The following UCK2 variants were observed in gnomAD, a reference collection of about 807,000 sequenced individuals.
UCK2 encodes uridine-cytidine kinase 2, also known as cytidine monophosphokinase 2.
A neutral mutation model predicts 30.8 loss-of-function variants in UCK2; 6 were observed. That is an observed-to-expected ratio of 0.19 (90% confidence interval 0.11 to 0.38). UCK2 has a LOEUF of 0.38. Ranked by LOEUF, UCK2 falls within the 10% of genes least tolerant of loss-of-function variation. UCK2 has a pLI of 1.00. For missense variants in UCK2, 210 were observed against 339.8 expected, an observed-to-expected ratio of 0.62 and a Z score of 3.00; for synonymous variants, 125 against 133.6, an observed-to-expected ratio of 0.94 and a Z score of 0.45.
chr1:165,854,968 T>C (rs1035694870), intron 1 of UCK2, among the ~76,000 whole-genome samples: 1 of 152,128 alleles, frequency 6.6e-6, no homozygotes, highest in Non-Finnish European at 1.5e-5. Context: ...GAAGGTATAA[T>C]AAATAATTTT....
chr1:165,893,878 A>G (rs933784422), intron 3 of UCK2, among the ~76,000 whole-genome samples: 2 of 152,246 alleles, frequency 1.3e-5, no homozygotes, highest in Non-Finnish European at 1.5e-5. Context: ...TTCCGAAGGA[A>G]AACCACTTTT....
At chr1:165,881,182 T>TAAAAAAAAAA (rs56886913) in intron 1 of UCK2, among the ~76,000 whole-genome samples, 4 of 92,852 alleles carry the variant, frequency 4.3e-5, no homozygotes, top group African/African-American at 4.2e-5. Context: ...CAATAAAACT[T>TAAAAAAAAAA]AAAAAAAAAA....
chr1:165,840,011 C>T (rs1033365840), intron 1 of UCK2, among the ~76,000 whole-genome samples: 5 of 152,192 alleles, frequency 3.3e-5, no homozygotes, highest in Non-Finnish European at 7.3e-5. Flanking sequence ...CAGCCTCTGC[C>T]GGGTTCAAGC....
intron 1 of UCK2, among the ~76,000 whole-genome samples, chr1:165,841,308 C>T (rs1034369065): frequency 5.3e-5 from 8 of 151,840 alleles, no homozygotes; most frequent in South Asian, 2.1e-4. Flanking sequence ...CTAAGCCTCC[C>T]GAGTAGCTGG....
intron 1 of UCK2, among the ~76,000 whole-genome samples, chr1:165,874,352 G>T (rs913520785): frequency 6.6e-6 from 1 of 152,152 alleles, no homozygotes; most frequent in African/African-American, 2.4e-5. Context: ...AGACCCGGAG[G>T]TATCAAATGA....
chr1:165,845,422 TA>T (rs1350060789), intron 1 of UCK2, among the ~76,000 whole-genome samples: 1 of 152,198 alleles, frequency 6.6e-6, no homozygotes, highest in Non-Finnish European at 1.5e-5. Flanking sequence ...TGCACAGATG[TA>T]GTACTTATAA....
intron 4 of UCK2, 139 bp from the exon 5 acceptor site, chr1:165,903,043 G>T: frequency 1.6e-6 from 1 of 641,028 alleles, no homozygotes. Flanking sequence ...TCTGCTCTTG[G>T]TCAAGCCTCT....
chr1:165,854,263 C>G lies in UCK2; in HGVS notation c.99+26331C>G, dbSNP rs560355220. On this transcript the variant is annotated intron_variant, in intron 1 of 6. Coordinates refer to ENST00000367879, the MANE Select transcript of UCK2 (RefSeq NM_012474.5). ...AAAAAGACTGTCTGGGAGTTGGAAA[C>G]CACTCCTGCCTGTGTGTTACTTCCT... 3.3e-5 allele frequency among the ~76,000 whole-genome samples: 5 copies of G among 152,284 alleles called. 1 individual carries two copies. Among genetic ancestry groups the G allele is most frequent in the African/African-American group, 9.6e-5 (4 of 41,534 alleles).
chr1:165,855,605 T>G (rs747267980), intron 1 of UCK2, among the ~76,000 whole-genome samples: 6 of 151,960 alleles, frequency 3.9e-5, no homozygotes, highest in Non-Finnish European at 5.9e-5. Flanking sequence ...TTCCCGGGTT[T>G]CTGTTGGTGT....
chr1:165,874,782 T>C (rs1368458839), intron 1 of UCK2, among the ~76,000 whole-genome samples: 5 of 152,232 alleles, frequency 3.3e-5, no homozygotes, highest in African/African-American at 1.2e-4. Context: ...ATGAAAGGCA[T>C]TGCAGTTGCT....
At chr1:165,857,946 G>A (rs1654793061) in intron 1 of UCK2, among the ~76,000 whole-genome samples, 3 of 152,234 alleles carry the variant, frequency 2.0e-5, no homozygotes, top group African/African-American at 7.2e-5. Context: ...GTATCTGCTG[G>A]AGGGATTGAG....
At chr1:165,845,963 A>G (rs1037505664) in intron 1 of UCK2, among the ~76,000 whole-genome samples, 2 of 152,162 alleles carry the variant, frequency 1.3e-5, no homozygotes, top group East Asian at 3.9e-4. Flanking sequence ...CACTGTGCCC[A>G]GCATTCTGTG....
Position 165,827,826 on chromosome 1 carries a change from C to T in UCK2, c.-8C>T. On this transcript the variant is annotated 5_prime_UTR_variant, in exon 1 of 7. Coordinates refer to ENST00000367879, the MANE Select transcript of UCK2 (RefSeq NM_012474.5). Reference sequence around the variant, plus strand: ...GCACAGGCAGCGGGAGGAGGGGCGGCGCGAACCATGGCCGGGGACAGCGAG... The same window carrying T: ...GCACAGGCAGCGGGAGGAGGGGCGGTGCGAACCATGGCCGGGGACAGCGAG... The T allele has an allele frequency of 1.4e-6, 2 of 1,425,352 alleles. No individual in the cohort carries two copies. Among genetic ancestry groups the T allele is most frequent in the South Asian group, 1.6e-5 (1 of 64,040 alleles). 88.3% of individuals were successfully genotyped at this position (1,425,352 alleles called of 1,614,324 possible).
chr1:165,844,519 T>G (rs755419642), intron 1 of UCK2, among the ~76,000 whole-genome samples: 10 of 152,150 alleles, frequency 6.6e-5, no homozygotes, highest in Non-Finnish European at 1.5e-4. Context: ...AGCTCCTAAA[T>G]CCCTTAGAAT....
chr1:165,834,803 A>C (rs1654147122), intron 1 of UCK2, among the ~76,000 whole-genome samples: 1 of 152,134 alleles, frequency 6.6e-6, no homozygotes, highest in Non-Finnish European at 1.5e-5. Context: ...ATTTCTGTGA[A>C]TGCCTACACT....
At chr1:165,906,354 G>T (rs1470305762) in intron 6 of UCK2, among the ~76,000 whole-genome samples, 2 of 152,144 alleles carry the variant, frequency 1.3e-5, no homozygotes, top group African/African-American at 4.8e-5. Flanking sequence ...AAGGGAGCTG[G>T]TTGCTACCAT....
At chr1:165,865,490 C>CT (rs1483529505) in intron 1 of UCK2, among the ~76,000 whole-genome samples, 2 of 152,124 alleles carry the variant, frequency 1.3e-5, no homozygotes, top group African/African-American at 2.4e-5. Flanking sequence ...TTTGACATTG[C>CT]TTTTTTCCCC....
chr1:165,856,436 T>TCCCCCCCCCCCCCCCCCCCCCCCCCCC (rs1157786667), intron 1 of UCK2, among the ~76,000 whole-genome samples: 1 of 119,642 alleles, frequency 8.4e-6, no homozygotes, highest in Admixed American at 9.1e-5. Context: ...TAAAATTTCC[T>TCCCCCCCCCCCCCCCCCCCCCCCCCCC]CCCCCCACCC....
At chr1:165,879,659 G>A (rs1308294927) in intron 1 of UCK2, among the ~76,000 whole-genome samples, 1 of 151,752 alleles carries the variant, frequency 6.6e-6, no homozygotes, top group Admixed American at 6.6e-5. Flanking sequence ...TGGTCTATGT[G>A]GCTTTGGGAG....
Sources: allele counts gnomAD v4.1 joint callset (sites outside exome capture counted in the v4.1 genomes callset), GRCh38; gene constraint gnomAD v4.1.1; transcripts MANE v1.5; gene names NCBI Gene and HGNC (gene_info 2026-07-23, HGNC 2026-07-21).